Variants in SEC24D observed in about 807,000 individuals in gnomAD.
SEC24D encodes protein transport protein Sec24D.
Under a neutral mutation model 116.9 loss-of-function variants are expected in SEC24D, and 69 were observed. The observed-to-expected ratio is 0.59, with a 90% CI of 0.49 to 0.72. The LOEUF (loss-of-function observed/expected upper bound fraction) is 0.72, where lower values mean the gene tolerates loss of function less well. Ranked by LOEUF, SEC24D falls within the 30% of genes least tolerant of loss-of-function variation. The probability of loss-of-function intolerance (pLI) is 0.00; values close to 1 mark genes in which losing one functional copy is unlikely to be tolerated. For synonymous variants in SEC24D, 405 were observed against 442.8 expected, an observed-to-expected ratio of 0.91 and a Z score of 1.07; for missense variants, 1,131 against 1,264.1, an observed-to-expected ratio of 0.89 and a Z score of 1.60.
chr4:118,827,245 T>C (rs993892505), intron 2 of SEC24D, among the ~76,000 whole-genome samples: 1 of 152,126 alleles, frequency 6.6e-6, no homozygotes, highest in Non-Finnish European at 1.5e-5. Context: ...TATGTGTCAC[T>C]TGCACTTCAC....
chr4:118,777,893 G>C (rs1196125122), intron 8 of SEC24D, among the ~76,000 whole-genome samples: 4 of 152,284 alleles, frequency 2.6e-5, no homozygotes, highest in Non-Finnish European at 5.9e-5. Flanking sequence ...GTGTCTGTTG[G>C]CTCCATAAAT....
At chr4:118,826,725 T>C (rs1167976409) in intron 2 of SEC24D, among the ~76,000 whole-genome samples, 2 of 151,536 alleles carry the variant, frequency 1.3e-5, no homozygotes, top group Non-Finnish European at 2.9e-5. Flanking sequence ...CCTATAGACA[T>C]GTCTAGAGAA....
rs369603825 is a variant in SEC24D at position 118,795,950 on chromosome 4, TAAGC to T, written c.1041+1729_1041+1732del. On this transcript the variant is annotated intron_variant, in intron 8 of 22. Coordinates refer to ENST00000280551, the MANE Select transcript of SEC24D (RefSeq NM_014822.4). The stretch of plus-strand genomic sequence containing the variant: ...TTGCCTCAAATGAGAAAATAATCCG[TAAGC>T]AAATTTTGAACACTACCTAATGATA... Among the ~76,000 whole-genome samples, 349 of 152,358 alleles carry T rather than the reference TAAGC, an allele frequency of 2.3e-3. 1 individual carries two copies. Among genetic ancestry groups the T allele is most frequent in the African/African-American group, 7.8e-3 (326 of 41,586 alleles).
chr4:118,812,623 C>A (rs910189857), intron 6 of SEC24D, among the ~76,000 whole-genome samples: 2 of 152,072 alleles, frequency 1.3e-5, no homozygotes, highest in Non-Finnish European at 2.9e-5. Flanking sequence ...GACCCAGGGC[C>A]ACTGAGTGGT....
intron 8 of SEC24D, among the ~76,000 whole-genome samples, chr4:118,769,049 G>C (rs1383518255): frequency 6.6e-6 from 1 of 152,176 alleles, no homozygotes; most frequent in Non-Finnish European, 1.5e-5. Flanking sequence ...TTGCATAGCA[G>C]TATGCTGTCT....
At chr4:118,792,754 G>A (rs970519862) in intron 8 of SEC24D, among the ~76,000 whole-genome samples, 4 of 152,102 alleles carry the variant, frequency 2.6e-5, no homozygotes, top group African/African-American at 4.8e-5. Context: ...CAAAGACTGC[G>A]GAAGGCGGCA....
chr4:118,775,345 C>CA (rs55740002), intron 8 of SEC24D, among the ~76,000 whole-genome samples: 32,777 of 113,062 alleles, frequency 0.29, 4,750 homozygotes, highest in East Asian at 0.44. Flanking sequence ...AGCAAAAGGT[C>CA]AAAAAAAAAA....
intron 2 of SEC24D, among the ~76,000 whole-genome samples, chr4:118,832,868 C>T (rs56252481): frequency 0.044 from 6,653 of 152,232 alleles, 201 homozygotes; most frequent in Non-Finnish European, 0.064. Context: ...GGCAAGATTA[C>T]AAACATTCTG....
chr4:118,798,053 G>T (rs1032793203), intron 7 of SEC24D, among the ~76,000 whole-genome samples: 1 of 152,066 alleles, frequency 6.6e-6, no homozygotes, highest in East Asian at 1.9e-4. Flanking sequence ...TATAAAAGAA[G>T]TATCTTAGTT....
At chr4:118,755,871 C>T (rs946346870) in intron 11 of SEC24D, among the ~76,000 whole-genome samples, 5 of 152,116 alleles carry the variant, frequency 3.3e-5, no homozygotes, top group African/African-American at 1.2e-4. Flanking sequence ...AAAGAGAGAT[C>T]GGAATAGTGG....
intron 13 of SEC24D, among the ~76,000 whole-genome samples, chr4:118,748,343 T>C (rs1332099857): frequency 2.0e-5 from 3 of 152,112 alleles, no homozygotes; most frequent in African/African-American, 4.8e-5. Context: ...AAGGTCTATA[T>C]TGTTTAAAAG....
Position 118,757,646 on chromosome 4 carries a change from C to G in SEC24D, c.1421+75G>C, listed in dbSNP as rs1727165290. The G allele has an allele frequency of 8.6e-6, 12 of 1,397,736 alleles. No homozygotes were observed. The South Asian group carries it at 1.6e-4, about 18-fold the overall frequency. 86.6% of individuals were successfully genotyped at this position (1,397,736 alleles called of 1,614,324 possible). The stretch of plus-strand genomic sequence containing the variant: ...TAGCAAAAAAAATCAATTGGTCATT[C>G]AGCACTTATCTTCTGGCCAATAAAT... On this transcript the variant is annotated intron_variant, in intron 11 of 22. Coordinates refer to ENST00000280551, the MANE Select transcript of SEC24D (RefSeq NM_014822.4).
chr4:118,815,591 A>G lies in SEC24D; in HGVS notation c.533T>C (p.Leu178Pro), dbSNP rs750412381. The G allele has an allele frequency of 6.8e-6, 11 of 1,614,156 alleles. No homozygotes were observed. The highest frequency in any genetic ancestry group is 7.6e-6 in the Non-Finnish European group (9 of 1,180,016). ...CAAAGGTGAGGCACCAGGACCATTG[A>G]GTGTGGTGGGTGGTGGTGGAAGAAC... ...SQVLPPPPTT[L>P]NGPGASPLPL... Residue 178 changes from leucine to proline, a missense_variant, in exon 5 of 23, where the codon CTC becomes CCC. Coordinates refer to ENST00000280551, the MANE Select transcript of SEC24D (RefSeq NM_014822.4).
intron 3 of SEC24D, among the ~76,000 whole-genome samples, chr4:118,819,127 C>A (rs1203899410): frequency 6.6e-6 from 1 of 152,144 alleles, no homozygotes; most frequent in Non-Finnish European, 1.5e-5. Flanking sequence ...ATGTTGTGAT[C>A]ACTAAAAAAT....
rs1731079445 is a variant in SEC24D at position 118,835,959 on chromosome 4, C to G, written c.-60G>C. The G allele has an allele frequency of 6.6e-6, 1 of 152,260 alleles. No homozygotes were observed. Among genetic ancestry groups the G allele is most frequent in the Non-Finnish European group, 1.5e-5 (1 of 68,060 alleles). The allele number at this position is 152,260 out of a possible 1,614,324, so 9.4% of individuals were successfully genotyped here. The stretch of plus-strand genomic sequence containing the variant: ...GCTTTACCTGTTCCCGCTCCCGCAC[C>G]CCGCGGGCTTCCGAGCGCTGGCGGC... On this transcript the variant is annotated 5_prime_UTR_variant, in exon 1 of 23. Transcript: ENST00000280551.
chr4:118,785,770 G>C (rs185340373), intron 8 of SEC24D, among the ~76,000 whole-genome samples: 46 of 152,174 alleles, frequency 3.0e-4, no homozygotes, highest in Admixed American at 2.9e-3. Flanking sequence ...AAATTGTGGA[G>C]TCTAATTCAG....
rs1431009956 is a variant in SEC24D at position 118,792,700 on chromosome 4, A to AT, written c.1041+4982dup. Among the ~76,000 whole-genome samples the AT allele has an allele frequency of 5.9e-5, 9 of 152,258 alleles. No individual in the cohort carries two copies. In the East Asian group the frequency reaches 1.7e-3, roughly 29 times the overall value. ...ACAGATGCTTGAAGGCAGCATACTC[A>AT]TTAAGAGTCATCACCACTCCCTAAT... On this transcript the variant is annotated intron_variant, in intron 8 of 22. Transcript: ENST00000280551.
chr4:118,787,281 T>C (rs1465639682), intron 8 of SEC24D, among the ~76,000 whole-genome samples: 4 of 152,234 alleles, frequency 2.6e-5, no homozygotes, highest in Admixed American at 6.5e-5. Context: ...AGTTTTTATG[T>C]TGACACTTTA....
At chr4:118,749,829 G>A (rs979439527) in intron 13 of SEC24D, among the ~76,000 whole-genome samples, 1 of 152,102 alleles carries the variant, frequency 6.6e-6, no homozygotes, top group African/African-American at 2.4e-5. Flanking sequence ...TTGCCAGCAG[G>A]GACAGCAGTA....
Sources: allele counts gnomAD v4.1 joint callset (sites outside exome capture counted in the v4.1 genomes callset), GRCh38; gene constraint gnomAD v4.1.1; transcripts MANE v1.5; gene names NCBI Gene and HGNC (gene_info 2026-07-23, HGNC 2026-07-21).